The following GALNT10 variants were observed in gnomAD, a reference collection of about 807,000 sequenced individuals.
GALNT10 encodes the protein polypeptide N-acetylgalactosaminyltransferase 10.
In GALNT10, 41 loss-of-function variants were observed where a neutral mutation model predicts 75.0. That is an observed-to-expected ratio of 0.55 (90% CI 0.43 to 0.71). The LOEUF (loss-of-function observed/expected upper bound fraction) is 0.71. GALNT10 is among the 30% of genes least tolerant of loss of function. The pLI, the probability that GALNT10 is intolerant of heterozygous loss-of-function variation, is 0.00. For missense variants in GALNT10, 727 were observed against 818.5 expected (o/e 0.89, Z 1.36); for synonymous variants, 302 against 313.0 (o/e 0.96, Z 0.37).
intron 1 of GALNT10, among the ~76,000 whole-genome samples, chr5:154,270,076 G>A (rs1161126137): frequency 6.6e-6 from 1 of 151,862 alleles, no homozygotes; most frequent in Non-Finnish European, 1.5e-5. Flanking sequence ...GGAGATGAAG[G>A]GGGTCTCAAC....
chr5:154,261,008 A>T (rs1343402087), intron 1 of GALNT10, among the ~76,000 whole-genome samples: 3 of 137,610 alleles, frequency 2.2e-5, no homozygotes, highest in African/African-American at 7.9e-5. Flanking sequence ...GCTTGGGATG[A>T]GTTATGGGAT....
chr5:154,402,189 G>C lies in GALNT10; in HGVS notation c.1057-1915G>C, dbSNP rs3776989. Among the ~76,000 whole-genome samples the C allele has an allele frequency of 0.62, 94,205 of 152,102 alleles. 29,914 individuals are homozygous for C. The highest frequency in any genetic ancestry group is 0.74 in the African/African-American group (30,600 of 41,500). On this transcript the variant is annotated intron_variant, in intron 7 of 11. Transcript: ENST00000297107. The surrounding 1 kb of genome is among the most constrained non-coding windows in gnomAD (Gnocchi z 4.2). Reference sequence around the variant, plus strand: ...AGACTCCTTGTTCTGCCCCGTGAGGGCCCTGCGGGAGCCCTGCCCGCGTCT... The same window carrying C: ...AGACTCCTTGTTCTGCCCCGTGAGGCCCCTGCGGGAGCCCTGCCCGCGTCT...
intron 4 of GALNT10, chr5:154,338,495 G>A (rs1440171037): frequency 1.8e-5 from 4 of 227,502 alleles, no homozygotes; most frequent in Admixed American, 5.0e-5. Flanking sequence ...CCTCAGTGGC[G>A]CCCATGGGCA....
intron 4 of GALNT10, among the ~76,000 whole-genome samples, chr5:154,345,771 GACT>G (rs1681052536): frequency 6.6e-6 from 1 of 150,414 alleles, no homozygotes; most frequent in South Asian, 2.1e-4. Context: ...GAGTAGCTGG[GACT>G]ACAGGCCTGC....
At chr5:154,219,037 T>G (rs1369618974) in intron 1 of GALNT10, among the ~76,000 whole-genome samples, 5 of 152,186 alleles carry the variant, frequency 3.3e-5, no homozygotes, top group Non-Finnish European at 7.3e-5. Context: ...TCCCCTAGAC[T>G]TTAGGATAAA....
chr5:154,355,138 G>A (rs1561670023), intron 4 of GALNT10, among the ~76,000 whole-genome samples: 1 of 152,202 alleles, frequency 6.6e-6, no homozygotes, highest in Non-Finnish European at 1.5e-5. Flanking sequence ...AGGGGTGGAT[G>A]CTGCTGCAGG....
chr5:154,214,356 G>A (rs1391561243), intron 1 of GALNT10, among the ~76,000 whole-genome samples: 3 of 151,970 alleles, frequency 2.0e-5, no homozygotes. Flanking sequence ...TTAATGAATT[G>A]GCATTTGTCT....
chr5:154,346,034 A>G (rs1421971413), intron 4 of GALNT10, among the ~76,000 whole-genome samples: 1 of 149,356 alleles, frequency 6.7e-6, no homozygotes, highest in African/African-American at 2.5e-5. Context: ...CCTGGGCTCA[A>G]GTGATCCACC....
intron 1 of GALNT10, among the ~76,000 whole-genome samples, chr5:154,260,130 G>A (rs920249030): frequency 1.3e-5 from 2 of 152,144 alleles, no homozygotes; most frequent in African/African-American, 4.8e-5. Flanking sequence ...CTAAATGGCT[G>A]TCATGTCATA....
intron 3 of GALNT10, among the ~76,000 whole-genome samples, chr5:154,329,253 A>G (rs1256951449): frequency 6.6e-6 from 1 of 152,224 alleles, no homozygotes; most frequent in African/African-American, 2.4e-5. Flanking sequence ...TATAGTTCTT[A>G]TTATAAATCA....
At chr5:154,399,931 C>G (rs1756123234) in intron 7 of GALNT10, among the ~76,000 whole-genome samples, 1 of 151,960 alleles carries the variant, frequency 6.6e-6, no homozygotes. Context: ...CTGCTTGAGC[C>G]CAGGAGTTCA....
chr5:154,211,787 A>G (rs1008501610), intron 1 of GALNT10, among the ~76,000 whole-genome samples: 3 of 152,134 alleles, frequency 2.0e-5, no homozygotes, highest in Non-Finnish European at 4.4e-5. Flanking sequence ...CAGTTCCTCA[A>G]CACAAGACCT....
chr5:154,255,534 C>T (rs1753593631), intron 1 of GALNT10, among the ~76,000 whole-genome samples: 1 of 152,114 alleles, frequency 6.6e-6, no homozygotes, highest in African/African-American at 2.4e-5. Context: ...GGTCAACACT[C>T]CTTGACCTAA....
chr5:154,250,640 T>C (rs1339010138), intron 1 of GALNT10, among the ~76,000 whole-genome samples: 1 of 151,880 alleles, frequency 6.6e-6, no homozygotes, highest in Non-Finnish European at 1.5e-5. Flanking sequence ...AAAATCAGAG[T>C]TCTGTTAGGA....
At chr5:154,379,146 A>T (rs115955412) in intron 5 of GALNT10, among the ~76,000 whole-genome samples, 1 of 152,264 alleles carries the variant, frequency 6.6e-6, no homozygotes, top group Non-Finnish European at 1.5e-5. Context: ...AAACTCTTTA[A>T]ACCATGTGCC....
At chr5:154,225,132 AC>A (rs1484007574) in intron 1 of GALNT10, among the ~76,000 whole-genome samples, 2 of 148,416 alleles carry the variant, frequency 1.3e-5, no homozygotes, top group African/African-American at 5.0e-5. Flanking sequence ...TTGCTCTGTC[AC>A]CCAGGCTGGA....
At chr5:154,321,418 C>T (rs1213826173) in intron 3 of GALNT10, among the ~76,000 whole-genome samples, 2 of 152,046 alleles carry the variant, frequency 1.3e-5, no homozygotes, top group African/African-American at 4.8e-5. Flanking sequence ...AATGATCCTC[C>T]CACCTCAGCC....
chr5:154,402,812 T>C lies in GALNT10; in HGVS notation c.1057-1292T>C, dbSNP rs932040962. The C allele has an allele frequency of 4.7e-4, 71 of 152,330 alleles. No individual in the cohort carries two copies. The highest frequency in any genetic ancestry group is 1.6e-3 in the African/African-American group (66 of 41,572). The allele number at this position is 152,330 out of a possible 1,614,324, so 9.4% of individuals were successfully genotyped here. On this transcript the variant is annotated intron_variant, in intron 7 of 11. Coordinates refer to ENST00000297107, the MANE Select transcript of GALNT10 (RefSeq NM_198321.4). This position sits in a 1 kb window ranked among gnomAD's most constrained non-coding sequence, Gnocchi z 4.2. ...AGCATGGCTGGGGTGTCCTCAAACATGGCAGCTGGCTCCTCCAAAGCCAGC... is the reference window on the plus strand; with the variant it reads ...AGCATGGCTGGGGTGTCCTCAAACACGGCAGCTGGCTCCTCCAAAGCCAGC...
At chr5:154,217,557 TG>T (rs1357524312) in intron 1 of GALNT10, among the ~76,000 whole-genome samples, 1 of 152,186 alleles carries the variant, frequency 6.6e-6, no homozygotes, top group African/African-American at 2.4e-5. Flanking sequence ...AAGCAGGTAG[TG>T]GAAGAGATGG....
Sources: allele counts gnomAD v4.1 joint callset (sites outside exome capture counted in the v4.1 genomes callset), GRCh38; gene constraint gnomAD v4.1.1; non-coding constraint Gnocchi (gnomAD v3.1); transcripts MANE v1.5; gene names NCBI Gene and HGNC (gene_info 2026-07-23, HGNC 2026-07-21).